Variants in SNAPC4 observed in about 807,000 individuals in gnomAD.
The protein encoded by SNAPC4 is snRNA-activating protein complex subunit 4.
Under a neutral mutation model 151.3 loss-of-function variants are expected in SNAPC4, and 127 were observed. The ratio of observed to expected loss-of-function variants is 0.84; its 90% CI spans 0.73 to 0.97. The LOEUF is 0.97. Ranked by LOEUF, SNAPC4 falls within the 50% of genes least tolerant of loss-of-function variation. SNAPC4 has a pLI of 0.00. For missense variants in SNAPC4, 2,186 were observed against 1,935.0 expected, an observed-to-expected ratio of 1.13 and a Z score of -2.43; for synonymous variants, 1,002 against 824.4, an observed-to-expected ratio of 1.22 and a Z score of -3.69.
chr9:136,383,132 G>T lies in SNAPC4; in HGVS notation c.1983+54C>A. Reference sequence around the variant, plus strand: ...GCACTATCCCCAAGCGTCAGCCCTGGCGAGCGAGTGCCGAAAGTGCACTTC... The same window carrying T: ...GCACTATCCCCAAGCGTCAGCCCTGTCGAGCGAGTGCCGAAAGTGCACTTC... On this transcript the variant is annotated intron_variant, in intron 16 of 23. Transcript: ENST00000684778. This position sits in a 1 kb window ranked among gnomAD's most constrained non-coding sequence, Gnocchi z 4.2. 1.3e-6 allele frequency: 2 copies of T among 1,504,924 alleles called. No individual in the cohort carries two copies. Among genetic ancestry groups the T allele is most frequent in the Non-Finnish European group, 1.8e-6 (2 of 1,129,458 alleles). 93.2% of individuals were successfully genotyped at this position (1,504,924 alleles called of 1,614,324 possible).
chr9:136,388,673 G>C, intron 10 of SNAPC4, 82 bp from the exon 11 acceptor site: 2 of 1,559,706 alleles, frequency 1.3e-6, no homozygotes, highest in Non-Finnish European at 1.8e-6. Context: ...CCAGGGCACA[G>C]GTGGGCCCAT....
At chr9:136,385,850 T>C (rs1833871894) in intron 13 of SNAPC4, among the ~76,000 whole-genome samples, 1 of 152,070 alleles carries the variant, frequency 6.6e-6, no homozygotes, top group Non-Finnish European at 1.5e-5. Flanking sequence ...CACCGAGCCC[T>C]GCCAACCCCT....
intron 3 of SNAPC4, among the ~76,000 whole-genome samples, chr9:136,396,592 A>G (rs966985677): frequency 6.6e-6 from 1 of 152,148 alleles, no homozygotes; most frequent in African/African-American, 2.4e-5. Flanking sequence ...ATTTCTGTAT[A>G]GCTGCTCGTG....
intron 18 of SNAPC4, 114 bp from the exon 19 acceptor site, chr9:136,381,506 G>A (rs1194818747): frequency 3.1e-6 from 3 of 977,902 alleles, no homozygotes; most frequent in Non-Finnish European, 4.8e-6. Context: ...TGGGAGCCAG[G>A]CCAGGGTGGG....
intron 23 of SNAPC4, 49 bp downstream of exon 23, chr9:136,376,300 A>G (rs1312297408): frequency 6.2e-7 from 1 of 1,602,240 alleles, no homozygotes; most frequent in African/African-American, 1.3e-5. Context: ...TCTGGACACC[A>G]CTCTGTCCCC....
At position 136,383,896 on chromosome 9, in the gene SNAPC4, C is replaced by T; in HGVS notation, c.1500+57G>A. The T allele has an allele frequency of 2.0e-6, 3 of 1,501,612 alleles. No individual in the cohort carries two copies. The highest frequency in any genetic ancestry group is 2.8e-6 in the Non-Finnish European group (3 of 1,079,144). The allele number at this position is 1,501,612 out of a possible 1,614,324, so 93.0% of individuals were successfully genotyped here. The stretch of plus-strand genomic sequence containing the variant: ...CCTCCCCTCCTCCTGCCTGCTGGAC[C>T]CCCCAGTTGACCAGGCCATTGTCTG... On this transcript the variant is annotated intron_variant, in intron 15 of 23. Coordinates refer to ENST00000684778, the MANE Select transcript of SNAPC4 (RefSeq NM_003086.4). The surrounding 1 kb of genome is among the most constrained non-coding windows in gnomAD (Gnocchi z 4.2).
In SNAPC4 at chr9:136,383,360, C is replaced by CCCCTT. The variant is rs1564383785; in HGVS notation, c.1804_1808dup (p.Ser604ArgfsTer66). ...TGCTGCCGCCCTGGCTGGCACTGGA[C>CCCCTT]CCCTTGGGAGGGCTGAGGGAGGCAG... On this transcript the variant is annotated frameshift_variant, in exon 16 of 24. Coordinates refer to ENST00000684778, the MANE Select transcript of SNAPC4 (RefSeq NM_003086.4). LOFTEE classifies it high-confidence loss of function. This position sits in a 1 kb window ranked among gnomAD's most constrained non-coding sequence, Gnocchi z 4.2. 1 of 1,606,518 alleles carries CCCCTT rather than the reference C, an allele frequency of 6.2e-7. No individual in the cohort carries two copies.
rs1169416609 is a variant in SNAPC4, at chr9:136,383,199, T to C, written c.1970A>G (p.Lys657Arg). The change falls in exon 16 of 24, where the codon AAG becomes AGG. Residue 657 changes from lysine to arginine, a missense_variant. Coordinates refer to ENST00000684778, the MANE Select transcript of SNAPC4 (RefSeq NM_003086.4). This position sits in a 1 kb window ranked among gnomAD's most constrained non-coding sequence, Gnocchi z 4.2. ...SADTRPAGAE[K>R]QALEGGRRLL... The stretch of plus-strand genomic sequence containing the variant: ...GCCGGGGCCTACCTCCAGGGCCTGC[T>C]TCTCTGCGCCCGCCGGGCGAGTGTC... 3.2e-6 allele frequency: 5 copies of C among 1,540,834 alleles called. No homozygotes were observed. Among genetic ancestry groups the C allele is most frequent in the Non-Finnish European group, 3.5e-6 (4 of 1,146,634 alleles).
At chr9:136,387,343 T>C in intron 13 of SNAPC4, 142 bp downstream of exon 13, 1 of 703,878 alleles carries the variant, frequency 1.4e-6, no homozygotes, top group Non-Finnish European at 2.6e-6. Context: ...CACACCAGAG[T>C]GCACCTGGTC....
Position 136,387,815 on chromosome 9 carries a change from T to C in SNAPC4, c.1157A>G (p.Gln386Arg), listed in dbSNP as rs754828592. ...VYYMEGRDSM[Q>R]LIYRWTKSLD... ...GCTCTTGGTCCATCGGTAGATCAGC[T>C]GCATGGAGTCTCTCCCTTCCATATA... The change falls in exon 12 of 24, where the codon CAG becomes CGG. Residue 386 changes from glutamine to arginine, a missense_variant. Coordinates refer to ENST00000684778, the MANE Select transcript of SNAPC4 (RefSeq NM_003086.4). The C allele has an allele frequency of 1.9e-6, 3 of 1,611,544 alleles. No individual in the cohort carries two copies. The highest frequency in any genetic ancestry group is 1.3e-5 in the African/African-American group (1 of 74,726).
intron 13 of SNAPC4, among the ~76,000 whole-genome samples, chr9:136,386,676 C>T (rs991944958): frequency 2.6e-5 from 4 of 152,080 alleles, no homozygotes; most frequent in Admixed American, 6.5e-5. Context: ...TCAGGTGATC[C>T]GCCGGCCTCG....
rs201165042 is a variant in SNAPC4 at position 136,383,277 on chromosome 9, G to T, written c.1892C>A (p.Pro631His). ...PGEETSPVQV[P>H]ARAHGPVPRS... ...CGGGACAGGGCCGTGGGCCCTGGCA[G>T]GGACCTGCACCGGACTCGTCTCCTC... The change falls in exon 16 of 24, where the codon CCT becomes CAT. Residue 631 changes from proline to histidine, a missense_variant. Transcript: ENST00000684778. This position sits in a 1 kb window ranked among gnomAD's most constrained non-coding sequence, Gnocchi z 4.2. The T allele has an allele frequency of 1.9e-6, 3 of 1,611,762 alleles. No individual in the cohort carries two copies. Among genetic ancestry groups the T allele is most frequent in the Admixed American group, 1.7e-5 (1 of 59,916 alleles).
chr9:136,385,250 C>T (rs994243390), intron 13 of SNAPC4, among the ~76,000 whole-genome samples: 1 of 152,178 alleles, frequency 6.6e-6, no homozygotes, highest in Non-Finnish European at 1.5e-5. Flanking sequence ...ACTTCACACC[C>T]GCTAAGATGG....
chr9:136,379,791 G>A (rs1833620740), intron 21 of SNAPC4, 46 bp downstream of exon 21: 2 of 1,596,010 alleles, frequency 1.3e-6, no homozygotes, highest in Non-Finnish European at 1.7e-6. Flanking sequence ...TCCCCGCCAG[G>A]GCCAGGTTAG....
At chr9:136,394,370 C>T (rs910887042) in intron 6 of SNAPC4, 40 bp from the exon 7 acceptor site, 11 of 1,551,342 alleles carry the variant, frequency 7.1e-6, no homozygotes, top group Non-Finnish European at 9.8e-6. Flanking sequence ...GGGTCTGGAT[C>T]CTCTCCACGG....
chr9:136,387,671 G>A, intron 12 of SNAPC4, 71 bp downstream of exon 12: 6 of 1,365,294 alleles, frequency 4.4e-6, no homozygotes, highest in East Asian at 2.3e-5. Context: ...GACCACTGGG[G>A]CACAGCAGCC....
In SNAPC4 at chr9:136,377,930, G is replaced by A. The variant is rs1373905888; in HGVS notation, c.3897C>T (p.Ser1299=). The change falls in exon 22 of 24, where the codon AGC becomes AGT. Residue 1299 remains serine, a synonymous_variant. Coordinates refer to ENST00000684778, the MANE Select transcript of SNAPC4 (RefSeq NM_003086.4). ...GGGCTGGGGGCTGATAGGGCAGTCT[G>A]CTGCCCAGAAGAGGCACACGCACCC... ...QRGVRVPLLG[S]RLPYQPPALC... 2 of 1,609,054 alleles carry A rather than the reference G, an allele frequency of 1.2e-6. No homozygotes were observed. The highest frequency in any genetic ancestry group is 1.7e-6 in the Non-Finnish European group (2 of 1,178,574).
Position 136,377,654 on chromosome 9 carries a change from TGA to T in SNAPC4, c.4171_4172del (p.Val1392ThrfsTer7), listed in dbSNP as rs903109664. On this transcript the variant is annotated frameshift_variant, in exon 22 of 24. Transcript: ENST00000684778. LOFTEE classifies it high-confidence loss of function. The part of the protein sequence containing the change: ...LAPQGVRTTL[S>X]VPSRVGSESE... ...TCTCAGAGCCCACCCTCGAAGGTACTGAGAGGGTGGTGCGGACGCCTTGGGGG... is the reference window on the plus strand; with the variant it reads ...TCTCAGAGCCCACCCTCGAAGGTACTGAGGGTGGTGCGGACGCCTTGGGGG... 5 of 1,602,812 alleles carry T rather than the reference TGA, an allele frequency of 3.1e-6. No individual in the cohort carries two copies. Among genetic ancestry groups the T allele is most frequent in the South Asian group, 1.1e-5 (1 of 90,136 alleles).
In SNAPC4 at chr9:136,390,926, C is replaced by T. The variant is rs1372431032; in HGVS notation, c.975+1016G>A. ...GTCCGCTCACCGCAAGCTCCGCCTC[C>T]CGGGTTCACGCCATTCTCCTGCCTC... On this transcript the variant is annotated intron_variant, in intron 10 of 23. Transcript: ENST00000684778. Among the ~76,000 whole-genome samples the T allele has an allele frequency of 2.6e-5, 4 of 151,992 alleles. No individual in the cohort carries two copies. In the East Asian group the frequency reaches 7.7e-4, roughly 29 times the overall value.
Sources: allele counts gnomAD v4.1 joint callset (sites outside exome capture counted in the v4.1 genomes callset), GRCh38; gene constraint gnomAD v4.1.1; non-coding constraint Gnocchi (gnomAD v3.1); transcripts MANE v1.5; gene names NCBI Gene and HGNC (gene_info 2026-07-23, HGNC 2026-07-21).